The following SRGAP2 variants were observed in gnomAD, a reference collection of about 807,000 sequenced individuals.
SRGAP2 encodes SLIT-ROBO Rho GTPase activating protein 2, also known as SLIT-ROBO Rho GTPase-activating protein 2.
In SRGAP2, 15 loss-of-function variants were observed where a neutral mutation model predicts 57.2. The ratio of observed to expected loss-of-function variants is 0.26; its 90% CI spans 0.18 to 0.40. SRGAP2 has a LOEUF of 0.40. Among genes scored for constraint, SRGAP2 ranks in the 10% least tolerant of loss-of-function variants. SRGAP2 has a pLI of 1.00. For missense variants in SRGAP2, 520 were observed against 669.6 expected (o/e 0.78, Z 2.47); for synonymous variants, 249 against 248.0 (o/e 1.00, Z -0.04).
chr1:206,412,255 A>G (rs1256604189), intron 10 of SRGAP2, among the ~76,000 whole-genome samples: 4 of 152,252 alleles, frequency 2.6e-5, no homozygotes, highest in African/African-American at 7.2e-5. Context: ...TAGGAAATCA[A>G]TTAATGAGAT....
intron 12 of SRGAP2, 44 bp downstream of exon 12, chr1:206,419,444 G>T (rs1553363519): frequency 1.3e-6 from 1 of 780,420 alleles, no homozygotes; most frequent in Non-Finnish European, 2.4e-6. Context: ...TAGAGGCTTG[G>T]TGGGTAGAGC....
chr1:206,239,344 C>A (rs1280154364), intron 2 of SRGAP2, among the ~76,000 whole-genome samples: 7 of 150,106 alleles, frequency 4.7e-5, no homozygotes, highest in Admixed American at 4.6e-4. Context: ...AAAGAGATAG[C>A]AGTTGGAGGC....
At chr1:206,445,765 TGATA>T (rs1340812849) in intron 17 of SRGAP2, among the ~76,000 whole-genome samples, 2 of 152,124 alleles carry the variant, frequency 1.3e-5, no homozygotes, top group Non-Finnish European at 2.9e-5. Flanking sequence ...ATGTGGCCTT[TGATA>T]GATAAGATCC....
At chr1:206,301,989 C>T (rs1215110413) in intron 2 of SRGAP2, among the ~76,000 whole-genome samples, 1 of 150,630 alleles carries the variant, frequency 6.6e-6, no homozygotes, top group Non-Finnish European at 1.5e-5. Context: ...AAACTCTAGA[C>T]CCCCTCTCCC....
intron 5 of SRGAP2, among the ~76,000 whole-genome samples, chr1:206,388,261 G>A (rs1656496504): frequency 6.6e-6 from 1 of 152,224 alleles, no homozygotes; most frequent in East Asian, 1.9e-4. Flanking sequence ...TGGAGCAGCG[G>A]CTGTGTGCTG....
intron 2 of SRGAP2, among the ~76,000 whole-genome samples, chr1:206,225,857 C>T (rs1273806722): frequency 1.3e-4 from 20 of 152,030 alleles, no homozygotes; most frequent in African/African-American, 3.4e-4. Flanking sequence ...TGCCTTGCTC[C>T]GAGTTTGGTT....
intron 13 of SRGAP2, among the ~76,000 whole-genome samples, 187 bp downstream of exon 13, chr1:206,421,461 A>G (rs1660298494): frequency 6.6e-6 from 1 of 152,262 alleles, no homozygotes; most frequent in African/African-American, 2.4e-5. Flanking sequence ...TGGAGTGGCC[A>G]TAGTCTTTTT....
At chr1:206,418,018 C>T (rs1453185321) in intron 11 of SRGAP2, among the ~76,000 whole-genome samples, 2 of 151,090 alleles carry the variant, frequency 1.3e-5, no homozygotes, top group African/African-American at 2.4e-5. Context: ...CATTTATGCA[C>T]CAAATGTGCT....
intron 2 of SRGAP2, among the ~76,000 whole-genome samples, chr1:206,216,466 TA>T (rs1666649347): frequency 6.7e-6 from 1 of 150,200 alleles, no homozygotes; most frequent in Admixed American, 6.6e-5. Flanking sequence ...GACCTGGAGT[TA>T]AAACTGGGTT....
intron 4 of SRGAP2, among the ~76,000 whole-genome samples, chr1:206,347,406 C>T (rs1474865490): frequency 2.7e-5 from 4 of 150,386 alleles, no homozygotes; most frequent in South Asian, 2.1e-4. Flanking sequence ...GGTGAAACCC[C>T]GTCTCTACAA....
At chr1:206,413,641 G>A (rs1659410345) in intron 10 of SRGAP2, among the ~76,000 whole-genome samples, 1 of 152,212 alleles carries the variant, frequency 6.6e-6, no homozygotes, top group African/African-American at 2.4e-5. Flanking sequence ...ACCCAGAGGA[G>A]AGTGAGACTG....
At chr1:206,416,925 C>A (rs1553362196) in intron 11 of SRGAP2, among the ~76,000 whole-genome samples, 1 of 152,174 alleles carries the variant, frequency 6.6e-6, no homozygotes, top group African/African-American at 2.4e-5. Flanking sequence ...ACTCTTTAGA[C>A]AAACTGCAAA....
At chr1:206,229,111 G>A (rs1667461194) in intron 2 of SRGAP2, among the ~76,000 whole-genome samples, 1 of 152,076 alleles carries the variant, frequency 6.6e-6, no homozygotes, top group Non-Finnish European at 1.5e-5. Flanking sequence ...GAGCAATAAG[G>A]TAAAATAATG....
chr1:206,231,663 C>T (rs1419912325), intron 2 of SRGAP2, among the ~76,000 whole-genome samples: 4 of 148,070 alleles, frequency 2.7e-5, no homozygotes, highest in Admixed American at 6.7e-5. Flanking sequence ...TCAGCCACCC[C>T]GGTAGCTGGG....
At chr1:206,446,372 C>G (rs1226981897) in intron 18 of SRGAP2, 73 bp downstream of exon 18, 1 of 757,166 alleles carries the variant, frequency 1.3e-6, no homozygotes, top group Middle Eastern at 2.3e-4. Flanking sequence ...GATGGCCACA[C>G]GAAAACCAAA....
At chr1:206,427,869 G>A (rs1340355740) in intron 13 of SRGAP2, among the ~76,000 whole-genome samples, 1 of 152,206 alleles carries the variant, frequency 6.6e-6, no homozygotes, top group Non-Finnish European at 1.5e-5. Flanking sequence ...AGTGCTTTGG[G>A]AGGCTAAGGC....
intron 2 of SRGAP2, among the ~76,000 whole-genome samples, chr1:206,296,313 A>G (rs1470240682): frequency 2.0e-5 from 3 of 150,494 alleles, no homozygotes; most frequent in African/African-American, 7.3e-5. Flanking sequence ...TGGAGAGGGC[A>G]GGGGTGGGAT....
At chr1:206,357,134 ATCT>A (rs1553339473) in intron 4 of SRGAP2, among the ~76,000 whole-genome samples, 1 of 146,084 alleles carries the variant, frequency 6.8e-6, no homozygotes, top group Non-Finnish European at 1.5e-5. Context: ...GAGAAGTAAC[ATCT>A]TCTATTTTTT....
At chr1:206,429,936 G>T (rs544513487) in intron 13 of SRGAP2, among the ~76,000 whole-genome samples, 1 of 152,308 alleles carries the variant, frequency 6.6e-6, no homozygotes, top group Admixed American at 6.5e-5. Context: ...TGGGGCAGAA[G>T]ATGATCAGTT....
Sources: allele counts gnomAD v4.1 joint callset (sites outside exome capture counted in the v4.1 genomes callset), GRCh38; gene constraint gnomAD v4.1.1; transcripts MANE v1.5; gene names NCBI Gene and HGNC (gene_info 2026-07-23, HGNC 2026-07-21).